The following PXDNL variants were observed in gnomAD, a reference collection of about 807,000 sequenced individuals.
The protein encoded by PXDNL is peroxidasin like, also known as probable oxidoreductase PXDNL.
Under a neutral mutation model 150.8 loss-of-function variants are expected in PXDNL, and 145 were observed. The ratio of observed to expected loss-of-function variants is 0.96; its 90% CI spans 0.84 to 1.10. The LOEUF (loss-of-function observed/expected upper bound fraction) is 1.10. Among genes scored for constraint, PXDNL ranks in the 50% least tolerant of loss-of-function variants. The pLI is 0.00. For synonymous variants in PXDNL, 757 were observed against 725.7 expected (o/e 1.04, Z -0.69); for missense variants, 2,087 against 1,873.9 (o/e 1.11, Z -2.10).
intron 2 of PXDNL, among the ~76,000 whole-genome samples, chr8:51,631,163 A>C (rs1308520537): frequency 6.6e-6 from 1 of 152,202 alleles, no homozygotes; most frequent in Non-Finnish European, 1.5e-5. Flanking sequence ...CATTATCCTT[A>C]GTAAACTAAT....
intron 5 of PXDNL, among the ~76,000 whole-genome samples, chr8:51,484,518 T>C (rs1043119856): frequency 2.6e-4 from 40 of 151,854 alleles, no homozygotes; most frequent in African/African-American, 9.2e-4. Context: ...CCTGCAAATG[T>C]GGGATCACAT....
intron 4 of PXDNL, among the ~76,000 whole-genome samples, chr8:51,510,126 T>G (rs879613618): frequency 1.3e-5 from 2 of 152,122 alleles, no homozygotes; most frequent in African/African-American, 4.8e-5. Flanking sequence ...CCAAGTCACC[T>G]ATGAAATGTA....
intron 4 of PXDNL, among the ~76,000 whole-genome samples, chr8:51,510,983 ATG>A (rs1411840773): frequency 2.6e-5 from 4 of 152,172 alleles, no homozygotes; most frequent in African/African-American, 9.7e-5. Context: ...AGATCAAGGG[ATG>A]TGTTAGCTAT....
chr8:51,369,546 T>C (rs1807028916), intron 19 of PXDNL, among the ~76,000 whole-genome samples: 1 of 152,192 alleles, frequency 6.6e-6, no homozygotes, highest in Non-Finnish European at 1.5e-5. Flanking sequence ...CCATTTGTAA[T>C]GGTTCTCATT....
intron 1 of PXDNL, among the ~76,000 whole-genome samples, chr8:51,734,779 G>A (rs1817000450): frequency 6.6e-6 from 1 of 152,194 alleles, no homozygotes; most frequent in Admixed American, 6.5e-5. Context: ...CAGCTGCTGA[G>A]ACTCAAAGCA....
intron 2 of PXDNL, among the ~76,000 whole-genome samples, chr8:51,628,043 G>A (rs1298126463): frequency 2.0e-5 from 3 of 152,120 alleles, no homozygotes; most frequent in African/African-American, 7.2e-5. Flanking sequence ...AAATAACAGA[G>A]CAGCAAAAGC....
chr8:51,718,980 G>A (rs896501095), intron 1 of PXDNL, among the ~76,000 whole-genome samples: 2 of 151,878 alleles, frequency 1.3e-5, no homozygotes. Context: ...CACCCCATCT[G>A]GGAGGGAGGC....
At chr8:51,757,621 C>G (rs563930243) in intron 1 of PXDNL, among the ~76,000 whole-genome samples, 1 of 152,294 alleles carries the variant, frequency 6.6e-6, no homozygotes, top group African/African-American at 2.4e-5. Flanking sequence ...TTGTTATGGC[C>G]AGTAGCAAAA....
At chr8:51,494,081 C>G (rs1585522422) in intron 5 of PXDNL, among the ~76,000 whole-genome samples, 1 of 152,294 alleles carries the variant, frequency 6.6e-6, no homozygotes, top group East Asian at 1.9e-4. Flanking sequence ...CAGCGGATCT[C>G]TCAGCAGAAA....
intron 1 of PXDNL, among the ~76,000 whole-genome samples, chr8:51,805,917 G>C (rs2037670553): frequency 6.6e-6 from 1 of 152,118 alleles, no homozygotes; most frequent in South Asian, 2.1e-4. Context: ...TCTGATTACT[G>C]AACAGGCTCC....
chr8:51,587,417 T>C (rs1187008554), intron 3 of PXDNL, among the ~76,000 whole-genome samples: 2 of 152,186 alleles, frequency 1.3e-5, no homozygotes, highest in Non-Finnish European at 2.9e-5. Flanking sequence ...ACAACTTGTC[T>C]TAAGACATTT....
chr8:51,700,539 TAC>T (rs1172556098), intron 1 of PXDNL, among the ~76,000 whole-genome samples: 5 of 145,588 alleles, frequency 3.4e-5, no homozygotes, highest in Admixed American at 2.1e-4. Context: ...CACACACAAA[TAC>T]ACAAACATAC....
chr8:51,450,669 T>A (rs922672312), intron 10 of PXDNL, among the ~76,000 whole-genome samples: 2 of 152,196 alleles, frequency 1.3e-5, no homozygotes, highest in Non-Finnish European at 2.9e-5. Context: ...TGGTATAAAA[T>A]AAATTTCCAA....
chr8:51,453,775 G>C lies in PXDNL; in HGVS notation c.993C>G (p.Ser331Arg). Residue 331 changes from serine (S) to arginine (R), a missense_variant, in exon 10 of 23, where the codon AGC becomes AGG. Physicochemically the swap from Ser to Arg is moderately radical, Grantham distance 110. Coordinates refer to ENST00000356297, the MANE Select transcript of PXDNL (RefSeq NM_144651.5). ...CTGTGTCCTGAGGCTGGATTACAAAGCTTGGTTTGGCTGATGGTAAAGGGG... is the reference window on the plus strand; with the variant it reads ...CTGTGTCCTGAGGCTGGATTACAAACCTTGGTTTGGCTGATGGTAAAGGGG... Reference protein sequence around the residue: ...LRYSSLPAKPSFVIQPQDTEV... With the variant: ...LRYSSLPAKPRFVIQPQDTEV... The C allele has an allele frequency of 6.2e-7, 1 of 1,613,734 alleles. No homozygotes were observed. The highest frequency in any genetic ancestry group is 8.5e-7 in the Non-Finnish European group (1 of 1,179,774).
intron 14 of PXDNL, among the ~76,000 whole-genome samples, chr8:51,418,675 T>A (rs1371192684): frequency 1.3e-5 from 2 of 152,206 alleles, no homozygotes; most frequent in Non-Finnish European, 2.9e-5. Flanking sequence ...TTTTTACTAC[T>A]GATATTCCTA....
chr8:51,442,335 AT>A (rs1809570075), intron 12 of PXDNL, among the ~76,000 whole-genome samples: 1 of 148,946 alleles, frequency 6.7e-6, no homozygotes, highest in South Asian at 2.2e-4. Flanking sequence ...CTTTTTCAGA[AT>A]TTTCTTGGTT....
intron 14 of PXDNL, among the ~76,000 whole-genome samples, chr8:51,414,276 A>G (rs1808734406): frequency 6.6e-6 from 1 of 151,930 alleles, no homozygotes; most frequent in African/African-American, 2.4e-5. Flanking sequence ...ATATTTGACA[A>G]TAGATGGGCC....
intron 6 of PXDNL, 65 bp from the exon 7 acceptor site, chr8:51,475,206 G>T (rs985023527): frequency 6.9e-7 from 1 of 1,456,238 alleles, no homozygotes; most frequent in African/African-American, 1.4e-5. Context: ...TGAATCTTTT[G>T]AGTGGTAATA....
At chr8:51,671,499 TC>T (rs1182228022) in intron 1 of PXDNL, among the ~76,000 whole-genome samples, 1 of 152,200 alleles carries the variant, frequency 6.6e-6, no homozygotes, top group Non-Finnish European at 1.5e-5. Context: ...TTGAGTTTTC[TC>T]CAGAGTAGAA....
Sources: allele counts gnomAD v4.1 joint callset (sites outside exome capture counted in the v4.1 genomes callset), GRCh38; gene constraint gnomAD v4.1.1; transcripts MANE v1.5; gene names NCBI Gene and HGNC (gene_info 2026-07-23, HGNC 2026-07-21).